The following RBFOX1 variants were observed in gnomAD, a reference collection of about 807,000 sequenced individuals.
RBFOX1 encodes the protein RNA binding protein fox-1 homolog 1.
In RBFOX1, 8 loss-of-function variants were observed where a neutral mutation model predicts 57.7. The observed-to-expected ratio is 0.14, with a 90% CI of 0.08 to 0.25. The LOEUF (loss-of-function observed/expected upper bound fraction) is 0.25, where lower values mean the gene tolerates loss of function less well. Ranked by LOEUF, RBFOX1 falls within the 10% of genes least tolerant of loss-of-function variation. RBFOX1 has a pLI of 1.00. For missense variants in RBFOX1, 611 were observed against 548.5 expected (o/e 1.11, Z -1.14); for synonymous variants, 326 against 222.4 (o/e 1.47, Z -4.15).
chr16:5,785,873 C>G (rs1427643201), intron 3 of RBFOX1, among the ~76,000 whole-genome samples: 2 of 152,132 alleles, frequency 1.3e-5, no homozygotes, highest in African/African-American at 2.4e-5. Context: ...TTCATTCCCA[C>G]TGTCATTACG....
intron 4 of RBFOX1, among the ~76,000 whole-genome samples, chr16:7,303,879 C>G (rs774115918): frequency 2.0e-5 from 3 of 151,742 alleles, no homozygotes; most frequent in Non-Finnish European, 4.4e-5. Flanking sequence ...TCCTTGCCCC[C>G]CTCCCATTCA....
intron 4 of RBFOX1, among the ~76,000 whole-genome samples, chr16:5,989,802 C>T (rs1026731433): frequency 1.4e-5 from 2 of 147,266 alleles, no homozygotes; most frequent in African/African-American, 5.0e-5. Context: ...TTGACACCCA[C>T]CGAACTCTTT....
intron 2 of RBFOX1, among the ~76,000 whole-genome samples, chr16:5,591,543 G>C (rs930713426): frequency 2.0e-5 from 3 of 152,112 alleles, no homozygotes; most frequent in African/African-American, 7.2e-5. Context: ...GAGTCACTGC[G>C]CCTGGTCCAA....
At chr16:7,266,356 C>T (rs545215315) in intron 4 of RBFOX1, among the ~76,000 whole-genome samples, 1 of 152,288 alleles carries the variant, frequency 6.6e-6, no homozygotes, top group African/African-American at 2.4e-5. Flanking sequence ...TCACGTGATG[C>T]TTCTGCTCTT....
intron 4 of RBFOX1, among the ~76,000 whole-genome samples, chr16:7,501,361 A>T (rs1025187875): frequency 6.6e-6 from 1 of 152,232 alleles, no homozygotes; most frequent in African/African-American, 2.4e-5. Context: ...AGACAAAGGA[A>T]TGCATAAGAC....
At chr16:6,571,197 C>G (rs2097340030) in intron 2 of RBFOX1, among the ~76,000 whole-genome samples, 2 of 152,164 alleles carry the variant, frequency 1.3e-5, no homozygotes, top group African/African-American at 2.4e-5. Flanking sequence ...GGTCTATTCC[C>G]AAAAGGCTTC....
intron 3 of RBFOX1, among the ~76,000 whole-genome samples, chr16:6,787,602 G>A (rs952372084): frequency 6.6e-6 from 1 of 152,070 alleles, no homozygotes; most frequent in African/African-American, 2.4e-5. Flanking sequence ...CACAGTCTCT[G>A]TTCTCCATCC....
At chr16:7,061,026 G>GTGTGTC (rs2054092662) in intron 4 of RBFOX1, among the ~76,000 whole-genome samples, 1 of 151,862 alleles carries the variant, frequency 6.6e-6, no homozygotes, top group Non-Finnish European at 1.5e-5. Flanking sequence ...GTTCTCCTGT[G>GTGTGTC]TGTGTGTGTG....
chr16:7,614,412 AT>A (rs2058084711), intron 10 of RBFOX1: 1 of 151,180 alleles, frequency 6.6e-6, no homozygotes. Context: ...CTTAATTTTT[AT>A]CTGCGTCCTT....
intron 4 of RBFOX1, among the ~76,000 whole-genome samples, chr16:7,213,805 G>C (rs546918869): frequency 6.6e-6 from 1 of 152,284 alleles, no homozygotes; most frequent in African/African-American, 2.4e-5. Flanking sequence ...GTCAAAGCCA[G>C]TTATTCTTAA....
Position 7,445,699 on chromosome 16 carries a change from T to C in RBFOX1, c.28-72448T>C, listed in dbSNP as rs369918603. On this transcript the variant is annotated intron_variant, in intron 4 of 15. Coordinates refer to ENST00000550418, the MANE Select transcript of RBFOX1 (RefSeq NM_018723.4). Reference sequence around the variant, plus strand: ...GTACCACAGTTTTTGTTGCTGTTACTGTTGTTGTTGTGTGGTTTTTGTTGT... The same window carrying C: ...GTACCACAGTTTTTGTTGCTGTTACCGTTGTTGTTGTGTGGTTTTTGTTGT... Among the ~76,000 whole-genome samples, 6 of 152,320 alleles carry C rather than the reference T, an allele frequency of 3.9e-5. No homozygotes were observed. The East Asian group carries it at 9.6e-4, about 24-fold the overall frequency.
At chr16:7,052,607 A>T (rs2153731197) in intron 4 of RBFOX1, among the ~76,000 whole-genome samples, 1 of 152,220 alleles carries the variant, frequency 6.6e-6, no homozygotes. Context: ...CAAAATTTTA[A>T]ACCTTATATT....
intron 1 of RBFOX1, among the ~76,000 whole-genome samples, chr16:6,150,869 G>A (rs1419403020): frequency 1.3e-5 from 2 of 152,158 alleles, no homozygotes; most frequent in African/African-American, 4.8e-5. Context: ...ATGTCAGGTT[G>A]TCTTGACGTG....
chr16:7,096,426 G>A (rs936590561), intron 4 of RBFOX1, among the ~76,000 whole-genome samples: 1 of 152,170 alleles, frequency 6.6e-6, no homozygotes, highest in Non-Finnish European at 1.5e-5. Flanking sequence ...ACCACTAGTA[G>A]CTTCTGGCTG....
At chr16:7,463,007 G>C (rs1355198377) in intron 4 of RBFOX1, among the ~76,000 whole-genome samples, 1 of 152,074 alleles carries the variant, frequency 6.6e-6, no homozygotes, top group Non-Finnish European at 1.5e-5. Flanking sequence ...GCCTGCTTGG[G>C]CTGCCATAAC....
intron 2 of RBFOX1, among the ~76,000 whole-genome samples, chr16:5,519,560 T>C (rs184561542): frequency 1.3e-5 from 2 of 152,090 alleles, no homozygotes; most frequent in Non-Finnish European, 1.5e-5. Context: ...CTTGTCTCTA[T>C]GAAAAATAAA....
intron 4 of RBFOX1, among the ~76,000 whole-genome samples, chr16:7,270,748 C>T (rs2095298783): frequency 6.6e-6 from 1 of 152,208 alleles, no homozygotes; most frequent in Non-Finnish European, 1.5e-5. Flanking sequence ...TGATTAATCC[C>T]ACTGATGCTT....
intron 3 of RBFOX1, among the ~76,000 whole-genome samples, chr16:5,721,149 T>A (rs550206128): frequency 6.6e-6 from 1 of 152,228 alleles, no homozygotes; most frequent in Non-Finnish European, 1.5e-5. Context: ...ATTTCCTGTT[T>A]TATGTTTATC....
intron 1 of RBFOX1, among the ~76,000 whole-genome samples, chr16:6,304,649 G>A (rs1238935840): frequency 1.3e-5 from 2 of 152,018 alleles, no homozygotes; most frequent in Non-Finnish European, 2.9e-5. Flanking sequence ...TTGGGAGGTG[G>A]CAGCAAGCGG....
Sources: gnomAD v4.1 joint callset for allele counts (sites outside exome capture counted in the v4.1 genomes callset) on GRCh38, gnomAD v4.1.1 for gene constraint, MANE v1.5 for transcripts, NCBI Gene and HGNC (gene_info 2026-07-23, HGNC 2026-07-21) for gene names.